The following CPXM2 variants were observed in gnomAD, a reference collection of about 807,000 sequenced individuals.
CPXM2 encodes carboxypeptidase X, M14 family member 2, also known as inactive carboxypeptidase-like protein X2.
In CPXM2, 66 loss-of-function variants were observed where a neutral mutation model predicts 86.1. That is an observed-to-expected ratio of 0.77 (90% CI 0.63 to 0.94). The LOEUF (loss-of-function observed/expected upper bound fraction) is 0.94, where lower values mean the gene tolerates loss of function less well. Ranked by LOEUF, CPXM2 falls within the 40% of genes least tolerant of loss-of-function variation. The pLI is 0.00. For missense variants in CPXM2, 948 were observed against 1,026.3 expected (o/e 0.92, Z 1.04); for synonymous variants, 388 against 400.2 (o/e 0.97, Z 0.36).
chr10:123,800,226 G>A (rs1235136163), intron 4 of CPXM2, among the ~76,000 whole-genome samples: 1 of 151,460 alleles, frequency 6.6e-6, no homozygotes, highest in Non-Finnish European at 1.5e-5. Context: ...CGACTGACTT[G>A]TCATGAAAAT....
intron 4 of CPXM2, among the ~76,000 whole-genome samples, chr10:123,818,120 T>C (rs1228233339): frequency 6.6e-6 from 1 of 152,198 alleles, no homozygotes; most frequent in Admixed American, 6.5e-5. Flanking sequence ...AAGATATTTG[T>C]ATCCTATGTG....
chr10:123,789,675 G>A (rs547849717), intron 6 of CPXM2, among the ~76,000 whole-genome samples: 5 of 152,208 alleles, frequency 3.3e-5, no homozygotes, highest in Non-Finnish European at 7.4e-5. Flanking sequence ...AGGGTGCAAT[G>A]TGCAGATGGA....
At chr10:123,873,234 C>T (rs79232254) in intron 2 of CPXM2, among the ~76,000 whole-genome samples, 8,848 of 147,232 alleles carry the variant, frequency 0.06, 299 homozygotes, top group South Asian at 0.13. Flanking sequence ...ATTAACTATA[C>T]ACCTGTAGTC....
chr10:123,815,447 G>C (rs1294478222), intron 4 of CPXM2, among the ~76,000 whole-genome samples: 1 of 152,206 alleles, frequency 6.6e-6, no homozygotes, highest in Non-Finnish European at 1.5e-5. Context: ...CTGCAACTTG[G>C]AATGGGACGT....
chr10:123,927,263 T>C (rs1294081492), intron 2 of CPXM2, among the ~76,000 whole-genome samples: 1 of 152,178 alleles, frequency 6.6e-6, no homozygotes, highest in Non-Finnish European at 1.5e-5. Context: ...GCCTCCTGTG[T>C]CCCACCCTTC....
intron 4 of CPXM2, among the ~76,000 whole-genome samples, chr10:123,802,914 G>A (rs1043818525): frequency 8.6e-5 from 13 of 151,728 alleles, no homozygotes; most frequent in African/African-American, 4.8e-5. Flanking sequence ...AATGAAGTTC[G>A]ATATTTTGTA....
intron 1 of CPXM2, among the ~76,000 whole-genome samples, chr10:123,884,518 G>A (rs1945148809): frequency 6.6e-6 from 1 of 152,194 alleles, no homozygotes; most frequent in Non-Finnish European, 1.5e-5. Flanking sequence ...AAGAATCCAG[G>A]GATTCAGTGG....
chr10:123,864,059 C>T (rs1033133624), intron 2 of CPXM2, among the ~76,000 whole-genome samples: 1 of 152,210 alleles, frequency 6.6e-6, no homozygotes, highest in African/African-American at 2.4e-5. Flanking sequence ...AGCCTGGGCT[C>T]TGGCTGAAGC....
intron 4 of CPXM2, among the ~76,000 whole-genome samples, chr10:123,811,548 T>C (rs1386543717): frequency 6.6e-6 from 1 of 152,156 alleles, no homozygotes; most frequent in Non-Finnish European, 1.5e-5. Context: ...GAAATTTATA[T>C]ATAAAACACA....
chr10:123,885,750 G>C lies in CPXM2; in HGVS notation c.305-5441C>G, dbSNP rs58779978. ...ATTGCTGGAGATGCCAAGCCTGAAT[G>C]CTCAGGCTCCCTGGACCCTCAGGGA... On this transcript the variant is annotated intron_variant, in intron 1 of 13. Transcript: ENST00000241305. The surrounding 1 kb of genome is among the most constrained non-coding windows in gnomAD (Gnocchi z 4.0). Among the ~76,000 whole-genome samples, 3,435 of 152,250 alleles carry C rather than the reference G, an allele frequency of 0.023. 83 individuals are homozygous for C. Among genetic ancestry groups the C allele is most frequent in the South Asian group, 0.074 (358 of 4,810 alleles).
chr10:123,867,381 C>T (rs953825858), intron 2 of CPXM2, among the ~76,000 whole-genome samples: 1 of 152,092 alleles, frequency 6.6e-6, no homozygotes, highest in African/African-American at 2.4e-5. Context: ...TTATCTTTTG[C>T]TTTAAAGATC....
chr10:123,800,488 C>A (rs1847433834), intron 4 of CPXM2, among the ~76,000 whole-genome samples: 1 of 152,060 alleles, frequency 6.6e-6, no homozygotes, highest in South Asian at 2.1e-4. Flanking sequence ...TATCCACACC[C>A]AAAATAGCAA....
rs117801495 is a variant in CPXM2, at chr10:123,826,350, G to A, written c.653+15999C>T. 3.5e-4 allele frequency among the ~76,000 whole-genome samples: 53 copies of A among 152,224 alleles called. No homozygotes were observed. The East Asian group carries it at 9.8e-3, about 28-fold the overall frequency. On this transcript the variant is annotated intron_variant, in intron 4 of 13. Coordinates refer to ENST00000241305, the MANE Select transcript of CPXM2 (RefSeq NM_198148.3). ...CAGGTAGAATGAGGCTCCAAACCCAGGCATCCTGGTCACTATACTGTGCTA... is the reference window on the plus strand; with the variant it reads ...CAGGTAGAATGAGGCTCCAAACCCAAGCATCCTGGTCACTATACTGTGCTA...
At chr10:123,932,556 C>T (rs1414458698) in intron 2 of CPXM2, among the ~76,000 whole-genome samples, 1 of 152,234 alleles carries the variant, frequency 6.6e-6, no homozygotes, top group African/African-American at 2.4e-5. Flanking sequence ...GAATGACTCT[C>T]CATCCTTCTG....
At chr10:123,941,135 C>T (rs1264844540), upstream of CPXM2, among the ~76,000 whole-genome samples, 1 of 152,122 alleles carries the variant, frequency 6.6e-6, no homozygotes, top group Non-Finnish European at 1.5e-5. Context: ...CGCGCCACTG[C>T]ACTCCAGCCT....
chr10:123,923,437 C>G (rs528446841), intron 2 of CPXM2, among the ~76,000 whole-genome samples: 35 of 149,020 alleles, frequency 2.3e-4, no homozygotes, highest in Admixed American at 2.2e-3. Context: ...AAAAATTAGC[C>G]GGGCGTGGTG....
chr10:123,757,747 T>C (rs1437994397), intron 11 of CPXM2, among the ~76,000 whole-genome samples: 3 of 152,226 alleles, frequency 2.0e-5, no homozygotes, highest in Non-Finnish European at 4.4e-5. Context: ...AGTTGTGCTG[T>C]CTCAGCTATA....
chr10:123,891,289 A>G lies in CPXM2; in HGVS notation c.304+67T>C. 7.7e-7 allele frequency: 1 copy of G among 1,294,500 alleles called. No homozygotes were observed. The highest frequency in any genetic ancestry group is 1.0e-6 in the Non-Finnish European group (1 of 961,252). The allele number at this position is 1,294,500 out of a possible 1,614,324, so 80.2% of individuals were successfully genotyped here. The stretch of plus-strand genomic sequence containing the variant: ...CCAGACACACACAATGGGAGAAGCC[A>G]GTTGTCCCCTGGAGGCGCGCAACCA... On this transcript the variant is annotated intron_variant, in intron 1 of 13. Coordinates refer to ENST00000241305, the MANE Select transcript of CPXM2 (RefSeq NM_198148.3). The surrounding 1 kb of genome is among the most constrained non-coding windows in gnomAD (Gnocchi z 5.6).
In CPXM2 at chr10:123,767,003, G is replaced by T. The variant is rs1327826409; in HGVS notation, c.1449C>A (p.Ile483=). Residue 483 remains isoleucine, a synonymous_variant, in exon 10 of 14, where the codon ATC becomes ATA. Coordinates refer to ENST00000241305, the MANE Select transcript of CPXM2 (RefSeq NM_198148.3). The part of the protein sequence containing the change: ...PRKVPNHYIA[I]PEWFLSENAT... ...CATTTTCCGACAGAAACCACTCAGG[G>T]ATTGCAATATAGTGATTGGGAACTT... is the stretch of plus-strand genomic sequence containing the variant. The T allele has an allele frequency of 5.0e-6, 8 of 1,614,122 alleles. No homozygotes were observed. The highest frequency in any genetic ancestry group is 5.9e-6 in the Non-Finnish European group (7 of 1,179,944).
Sources: gnomAD v4.1 joint callset for allele counts (sites outside exome capture counted in the v4.1 genomes callset) on GRCh38, gnomAD v4.1.1 for gene constraint, Gnocchi (gnomAD v3.1) non-coding constraint, MANE v1.5 for transcripts, NCBI Gene and HGNC (gene_info 2026-07-23, HGNC 2026-07-21) for gene names.